The following PRELID2 variants were observed in gnomAD, a reference collection of about 807,000 sequenced individuals.
PRELID2 encodes PRELI domain containing 2, also known as PRELI domain-containing protein 2.
PRELID2 carries 25 observed loss-of-function variants against 28.4 expected under a neutral mutation model. The ratio of observed to expected loss-of-function variants is 0.88; its 90% confidence interval spans 0.64 to 1.23. The LOEUF (loss-of-function observed/expected upper bound fraction) is 1.23, where lower values mean the gene tolerates loss of function less well. Among genes scored for constraint, PRELID2 ranks in the 50% most tolerant of loss-of-function variants. The pLI is 0.00. For missense variants in PRELID2, 201 were observed against 214.4 expected, an observed-to-expected ratio of 0.94 and a Z score of 0.39; for synonymous variants, 76 against 71.6, an observed-to-expected ratio of 1.06 and a Z score of -0.31.
the PRELID2 span, among the ~76,000 whole-genome samples, chr5:145,455,907 C>T: frequency 6.6e-6 from 1 of 152,162 alleles, no homozygotes; most frequent in South Asian, 2.1e-4. Flanking sequence ...AGCCAGGTAC[C>T]TCAGTTGGAA....
the PRELID2 span, among the ~76,000 whole-genome samples, chr5:145,360,726 T>A: frequency 6.6e-6 from 1 of 152,200 alleles, no homozygotes; most frequent in African/African-American, 2.4e-5. Flanking sequence ...AGTCAATAAC[T>A]CTATTTGATA....
intron 1 of PRELID2, among the ~76,000 whole-genome samples, chr5:145,830,879 T>C (rs187810403): frequency 6.6e-6 from 1 of 152,292 alleles, no homozygotes; most frequent in African/African-American, 2.4e-5. Flanking sequence ...CGTAGTATAT[T>C]ATAACTTGGA....
intron 6 of PRELID2, among the ~76,000 whole-genome samples, chr5:145,762,441 G>A (rs1757519948): frequency 6.6e-6 from 1 of 151,948 alleles, no homozygotes; most frequent in South Asian, 2.1e-4. Flanking sequence ...GGGGGCTGAG[G>A]TGTGAGGATT....
In PRELID2 at chr5:145,501,117, G is replaced by A. The variant is rs112903471; in HGVS notation, n.71-27802C>T. Among the ~76,000 whole-genome samples, 493 of 152,212 alleles carry A rather than the reference G, an allele frequency of 3.2e-3. 3 individuals carry two copies. Among genetic ancestry groups the A allele is most frequent in the African/African-American group, 0.011 (469 of 41,552 alleles). On this transcript the variant is annotated intron_variant and non_coding_transcript_variant, in intron 1 of 2. Transcript: ENST00000510259. Reference sequence around the variant, plus strand: ...CACAATATAGAAAGCCAAACTCATAGTCCAGGCCACCCCACCATCAATTCA... The same window carrying A: ...CACAATATAGAAAGCCAAACTCATAATCCAGGCCACCCCACCATCAATTCA...
chr5:145,578,630 T>C lies in PRELID2; in HGVS notation n.71-105315A>G, dbSNP rs144847573. On this transcript the variant is annotated intron_variant and non_coding_transcript_variant, in intron 1 of 2. Transcript: ENST00000510259. The stretch of plus-strand genomic sequence containing the variant: ...CCTGCTGTTAAATACAGATATAGTT[T>C]TATGATGGTAATCTTTCACTATACT... Among the ~76,000 whole-genome samples the C allele has an allele frequency of 2.8e-3, 431 of 152,222 alleles. 1 individual carries two copies. Among genetic ancestry groups the C allele is most frequent in the African/African-American group, 9.9e-3 (411 of 41,554 alleles).
chr5:145,763,838 G>T (rs1348217268), intron 6 of PRELID2, among the ~76,000 whole-genome samples: 1 of 152,174 alleles, frequency 6.6e-6, no homozygotes, highest in Non-Finnish European at 1.5e-5. Context: ...AGCACTTTGG[G>T]AGGCTGAGGC....
At chr5:145,813,156 T>C (rs1054156409) in intron 4 of PRELID2, among the ~76,000 whole-genome samples, 49 of 152,166 alleles carry the variant, frequency 3.2e-4, no homozygotes, top group Non-Finnish European at 5.9e-5. Context: ...AGCTTGAAAG[T>C]CTAATTTTAC....
At chr5:145,711,823 G>A (rs1054517322) in intron 1 of PRELID2, among the ~76,000 whole-genome samples, 1 of 146,548 alleles carries the variant, frequency 6.8e-6, no homozygotes, top group African/African-American at 2.6e-5. Context: ...GCAGAGGCAG[G>A]GTAGCACAGT....
the PRELID2 span, among the ~76,000 whole-genome samples, chr5:145,344,898 T>A: frequency 1.3e-5 from 2 of 152,254 alleles, no homozygotes; most frequent in East Asian, 3.9e-4. Context: ...TCATTACTTT[T>A]ACTGATTTTT....
chr5:145,466,124 T>A, the PRELID2 span, among the ~76,000 whole-genome samples: 1 of 151,992 alleles, frequency 6.6e-6, no homozygotes, highest in Non-Finnish European at 1.5e-5. Flanking sequence ...AAAAAAAAAG[T>A]CCTTGGAAGC....
At chr5:145,739,447 G>C (rs966139527) in intron 1 of PRELID2, among the ~76,000 whole-genome samples, 7 of 152,194 alleles carry the variant, frequency 4.6e-5, no homozygotes, top group Admixed American at 2.0e-4. Flanking sequence ...GGAGGTTGCA[G>C]TGAGCCGAGA....
intron 1 of PRELID2, among the ~76,000 whole-genome samples, chr5:145,523,566 C>A (rs534723301): frequency 1.3e-5 from 2 of 152,092 alleles, no homozygotes; most frequent in African/African-American, 2.4e-5. Flanking sequence ...CTCTTCTTAG[C>A]TGGTAGGTGG....
intron 1 of PRELID2, among the ~76,000 whole-genome samples, chr5:145,639,054 A>C (rs565765531): frequency 2.6e-5 from 4 of 152,356 alleles, no homozygotes; most frequent in African/African-American, 7.2e-5. Flanking sequence ...ATCAGTAGTC[A>C]AATAAACAGC....
chr5:145,742,533 A>T (rs1756863510), intron 1 of PRELID2, among the ~76,000 whole-genome samples: 1 of 2,256 alleles, frequency 4.4e-4, no homozygotes, highest in South Asian at 0.01. Context: ...AGGGATACCA[A>T]AAAAAAAAAA....
the PRELID2 span, among the ~76,000 whole-genome samples, chr5:145,435,561 C>G: frequency 4.6e-5 from 7 of 152,290 alleles, no homozygotes; most frequent in African/African-American, 9.6e-5. Flanking sequence ...TTCTCATTAG[C>G]CTACTTTATC....
intron 1 of PRELID2, among the ~76,000 whole-genome samples, chr5:145,565,641 C>T (rs572882493): frequency 5.3e-5 from 8 of 152,140 alleles, no homozygotes; most frequent in African/African-American, 9.7e-5. Context: ...CAAAAATAAA[C>T]GTTTTAAGCA....
At chr5:145,384,881 A>C in the PRELID2 span, among the ~76,000 whole-genome samples, 1 of 152,278 alleles carries the variant, frequency 6.6e-6, no homozygotes, top group Admixed American at 6.5e-5. Context: ...CATTCATGAG[A>C]AATCCATCTT....
chr5:145,534,156 T>A (rs1752680307), intron 1 of PRELID2, among the ~76,000 whole-genome samples: 1 of 151,964 alleles, frequency 6.6e-6, no homozygotes, highest in South Asian at 2.1e-4. Context: ...CCTATTTAGG[T>A]CCTTTGACCC....
intron 1 of PRELID2, among the ~76,000 whole-genome samples, chr5:145,730,420 C>T (rs1012433636): frequency 6.6e-6 from 1 of 152,144 alleles, no homozygotes; most frequent in Non-Finnish European, 1.5e-5. Flanking sequence ...TCTCAAAATG[C>T]CAAACTAAGG....
Sources: allele counts gnomAD v4.1 joint callset (sites outside exome capture counted in the v4.1 genomes callset), GRCh38; gene constraint gnomAD v4.1.1; transcripts MANE v1.5; gene names NCBI Gene and HGNC (gene_info 2026-07-23, HGNC 2026-07-21).